ADGRL2: variants seen among roughly 807,000 people sequenced by gnomAD.
The protein encoded by ADGRL2 is calcium-independent alpha-latrotoxin receptor 2.
In ADGRL2, 44 loss-of-function variants were observed where a neutral mutation model predicts 157.4. That is an observed-to-expected ratio of 0.28 (90% CI 0.22 to 0.36). The LOEUF is 0.36. Ranked by LOEUF, ADGRL2 falls within the 10% of genes least tolerant of loss-of-function variation. The pLI, the probability that ADGRL2 is intolerant of heterozygous loss-of-function variation, is 1.00. For synonymous variants in ADGRL2, 585 were observed against 624.7 expected (o/e 0.94, Z 0.95); for missense variants, 1,510 against 1,768.9 (o/e 0.85, Z 2.63).
chr1:81,587,904 G>A lies in ADGRL2; in HGVS notation c.-143+6924G>A, dbSNP rs568356883. The stretch of plus-strand genomic sequence containing the variant: ...CCTCAATACATACAACCTTTCATGT[G>A]CATACTATCGGGTTTGGGTCAGAGT... On this transcript the variant is annotated intron_variant, in intron 3 of 24. Coordinates refer to the ADGRL2 transcript ENST00000370721. 7.1e-4 allele frequency among the ~76,000 whole-genome samples: 108 copies of A among 152,248 alleles called. 1 individual carries two copies. In the South Asian group the frequency reaches 0.017, roughly 25 times the overall value.
chr1:81,458,245 CA>C (rs1474209215), intron 2 of ADGRL2, among the ~76,000 whole-genome samples: 3 of 150,092 alleles, frequency 2.0e-5, no homozygotes, highest in African/African-American at 7.4e-5. Context: ...GAATACTTAC[CA>C]TGAGATCTAC....
intron 1 of ADGRL2, among the ~76,000 whole-genome samples, chr1:81,829,137 C>G: frequency 6.6e-6 from 1 of 152,120 alleles, no homozygotes; most frequent in East Asian, 1.9e-4. Context: ...GTCTCGAACT[C>G]CTGACCTCAG....
intron 2 of ADGRL2, among the ~76,000 whole-genome samples, chr1:81,479,318 C>CAA (rs752158155): frequency 1.3e-3 from 139 of 106,894 alleles, no homozygotes; most frequent in African/African-American, 3.9e-3. Context: ...ACTAAAAATA[C>CAA]AAAAAAAAAA....
intron 11 of ADGRL2, 71 bp from the exon 12 acceptor site, chr1:81,965,987 T>A (rs887003832): frequency 3.4e-6 from 5 of 1,464,486 alleles, no homozygotes; most frequent in Admixed American, 3.7e-5. Flanking sequence ...CATACAGTTA[T>A]CATTTGCCTC....
intron 3 of ADGRL2, among the ~76,000 whole-genome samples, chr1:81,693,588 G>A (rs1303670712): frequency 3.3e-5 from 5 of 152,186 alleles, no homozygotes; most frequent in Non-Finnish European, 7.3e-5. Flanking sequence ...TTATCCCAGG[G>A]AATGTGGACA....
chr1:81,731,707 ACAGTGTT>A (rs1318431292), intron 1 of ADGRL2, among the ~76,000 whole-genome samples: 4 of 127,874 alleles, frequency 3.1e-5, no homozygotes. Flanking sequence ...ATTTTGCCAG[ACAGTGTT>A]CAGTACCATT....
At chr1:81,398,211 A>T (rs1436341953) in intron 1 of ADGRL2, among the ~76,000 whole-genome samples, 1 of 152,000 alleles carries the variant, frequency 6.6e-6, no homozygotes, top group Non-Finnish European at 1.5e-5. Flanking sequence ...TTACAGAGTG[A>T]CATAAGTTTT....
At chr1:81,471,119 G>A (rs2078163144) in intron 2 of ADGRL2, among the ~76,000 whole-genome samples, 1 of 152,128 alleles carries the variant, frequency 6.6e-6, no homozygotes, top group African/African-American at 2.4e-5. Context: ...TGCAGGATTG[G>A]GAGGTAGGTA....
rs141831009 is a variant in ADGRL2, at chr1:81,767,534, T to C, written c.-101+5682T>C. 1.2e-3 allele frequency among the ~76,000 whole-genome samples: 177 copies of C among 152,240 alleles called. 6 individuals carry two copies. In the East Asian group the frequency reaches 0.032, roughly 27 times the overall value. ...CAAAGAATTATCTGGCCTAAAATGT[T>C]AATAGGATGAGGTTAAAAGATCAGT... On this transcript the variant is annotated intron_variant, in intron 2 of 20. Transcript: ENST00000359929.
At chr1:81,815,203 G>A (rs2090275263) in intron 1 of ADGRL2, among the ~76,000 whole-genome samples, 1 of 151,792 alleles carries the variant, frequency 6.6e-6, no homozygotes, top group Admixed American at 6.6e-5. Flanking sequence ...AAATCAGATT[G>A]TTGGTTTAAA....
At chr1:81,664,924 C>T (rs2082724902) in intron 3 of ADGRL2, among the ~76,000 whole-genome samples, 1 of 151,956 alleles carries the variant, frequency 6.6e-6, no homozygotes, top group Non-Finnish European at 1.5e-5. Context: ...TATTGAGTTA[C>T]TATGCTGTGC....
intron 1 of ADGRL2, among the ~76,000 whole-genome samples, chr1:81,701,752 T>C (rs1251484200): frequency 2.6e-5 from 4 of 152,238 alleles, no homozygotes; most frequent in Non-Finnish European, 4.4e-5. Flanking sequence ...TCTACAAATA[T>C]TTATGGAGCA....
chr1:81,495,066 G>A (rs1313125739), intron 2 of ADGRL2, among the ~76,000 whole-genome samples: 45 of 152,112 alleles, frequency 3.0e-4, no homozygotes, highest in Non-Finnish European at 1.5e-5. Context: ...ATGAATCAGG[G>A]TAGAGCAGAT....
intron 1 of ADGRL2, among the ~76,000 whole-genome samples, chr1:81,336,836 G>C (rs544111529): frequency 9.9e-5 from 15 of 152,102 alleles, no homozygotes; most frequent in Non-Finnish European, 2.1e-4. Context: ...TTTCCCACTC[G>C]AATGTTACCT....
intron 2 of ADGRL2, among the ~76,000 whole-genome samples, chr1:81,488,706 CA>C (rs555616187): frequency 6.0e-4 from 91 of 151,600 alleles, no homozygotes; most frequent in Non-Finnish European, 1.1e-3. Flanking sequence ...GACCCTGTCT[CA>C]AAAAGGAGGA....
intron 1 of ADGRL2, among the ~76,000 whole-genome samples, chr1:81,364,718 G>GTAA (rs2076036184): frequency 6.8e-6 from 1 of 146,900 alleles, no homozygotes; most frequent in African/African-American, 2.5e-5. Context: ...TTTTTTTTTC[G>GTAA]AGACAGAGTC....
At chr1:81,632,583 C>T (rs2082032388) in intron 3 of ADGRL2, among the ~76,000 whole-genome samples, 1 of 151,994 alleles carries the variant, frequency 6.6e-6, no homozygotes, top group South Asian at 2.1e-4. Flanking sequence ...ATGGTGAAAC[C>T]CCGTCTCTAC....
chr1:81,835,343 A>G (rs1489001561), intron 1 of ADGRL2, among the ~76,000 whole-genome samples: 2 of 152,212 alleles, frequency 1.3e-5, no homozygotes, highest in African/African-American at 2.4e-5. Flanking sequence ...CTGTAAGAAT[A>G]TAAGAAATTG....
intron 2 of ADGRL2, among the ~76,000 whole-genome samples, chr1:81,515,444 G>GAAA (rs35373497): frequency 0.023 from 2,565 of 111,584 alleles, 66 homozygotes; most frequent in East Asian, 0.11. Flanking sequence ...AGGAACCTCA[G>GAAA]AAAAAAAAAA....
Sources: gnomAD v4.1 joint callset for allele counts (sites outside exome capture counted in the v4.1 genomes callset) on GRCh38, gnomAD v4.1.1 for gene constraint, MANE v1.5 for transcripts, NCBI Gene and HGNC (gene_info 2026-07-23, HGNC 2026-07-21) for gene names.